The following GPN1 variants were observed in gnomAD, a reference collection of about 807,000 sequenced individuals.
GPN1 encodes the protein ATP(GTP)-binding protein.
A neutral mutation model predicts 55.9 loss-of-function variants in GPN1; 44 were observed. That is an observed-to-expected ratio of 0.79 (90% CI 0.62 to 1.01). The LOEUF is 1.01. GPN1 is among the 50% of genes least tolerant of loss of function. The pLI is 0.00. For missense variants in GPN1, 466 were observed against 462.8 expected, an observed-to-expected ratio of 1.01 and a Z score of -0.06; for synonymous variants, 179 against 162.5, an observed-to-expected ratio of 1.10 and a Z score of -0.77.
intron 5 of GPN1, among the ~76,000 whole-genome samples, chr2:27,632,917 C>T (rs1344904541): frequency 1.3e-5 from 2 of 152,168 alleles, no homozygotes; most frequent in Non-Finnish European, 2.9e-5. Flanking sequence ...GAGACTTTGT[C>T]CCAATTCAGT....
chr2:27,633,992 A>G (rs1391598989), intron 5 of GPN1, among the ~76,000 whole-genome samples: 4 of 151,900 alleles, frequency 2.6e-5, no homozygotes, highest in Non-Finnish European at 4.4e-5. Flanking sequence ...CCTAGTGACT[A>G]CCCCATTTTC....
In GPN1 at chr2:27,643,359, A is replaced by G. The variant is rs1014846939; in HGVS notation, c.931+840A>G. Among the ~76,000 whole-genome samples, 1 of 151,928 alleles carries G rather than the reference A, an allele frequency of 6.6e-6. No homozygotes were observed. Among genetic ancestry groups the G allele is most frequent in the African/African-American group, 2.4e-5 (1 of 41,380 alleles). ...ATATGACTTTATATGTTATATAAATATATATTTTTCCTGAATCATTTGAGT... is the reference window on the plus strand; with the variant it reads ...ATATGACTTTATATGTTATATAAATGTATATTTTTCCTGAATCATTTGAGT... On this transcript the variant is annotated intron_variant, in intron 12 of 13. Transcript: ENST00000610189. This position sits in a 1 kb window ranked among gnomAD's most constrained non-coding sequence, Gnocchi z 4.0.
At position 27,634,920 on chromosome 2, in the gene GPN1, C is replaced by A; in HGVS notation, c.425C>A (p.Ala142Asp). ...GCTTCTGGGACAATTATCACTGAAG[C>A]CCTTGTGAGTATTCTAGGACTTGCT... ...WSASGTIITE[A>D]LASSFPTVVI... The change falls in exon 6 of 14, where the codon GCC becomes GAC. Residue 142 changes from alanine to aspartate, a missense_variant. Transcript: ENST00000610189. 1 of 1,573,790 alleles carries A rather than the reference C, an allele frequency of 6.4e-7. No homozygotes were observed. Among genetic ancestry groups the A allele is most frequent in the Non-Finnish European group, 8.7e-7 (1 of 1,143,100 alleles).
At position 27,638,239 on chromosome 2, in the gene GPN1, T is replaced by C. The variant is rs1453201296; in HGVS notation, c.554T>C (p.Ile185Thr). 6.4e-6 allele frequency: 10 copies of C among 1,568,586 alleles called. No individual in the cohort carries two copies. The highest frequency in any genetic ancestry group is 1.7e-5 in the Admixed American group (1 of 59,908). The change falls in exon 8 of 14, where the codon ATT (isoleucine) becomes ACT (threonine). Residue 185 changes from isoleucine to threonine, a missense_variant. Physicochemically the swap from Ile to Thr is moderately conservative, Grantham distance 89 (BLOSUM62 -1). Coordinates refer to ENST00000610189, the MANE Select transcript of GPN1 (RefSeq NM_007266.4). ...SILYKTKLPF[I>T]VVMNKTDIID... ...TTATACAAAACCAAGCTGCCTTTCA[T>C]TGTGGTCATGAATAAAGTAAGTGTA...
intron 7 of GPN1, among the ~76,000 whole-genome samples, chr2:27,637,579 T>C (rs1673778089): frequency 6.6e-6 from 1 of 152,202 alleles, no homozygotes; most frequent in African/African-American, 2.4e-5. Context: ...CCCAGCCTTA[T>C]TGAGGTATAA....
intron 4 of GPN1, among the ~76,000 whole-genome samples, chr2:27,632,120 A>G (rs1673579489): frequency 6.6e-6 from 1 of 152,098 alleles, no homozygotes; most frequent in African/African-American, 2.4e-5. Flanking sequence ...AATCCAAAAG[A>G]CCTGGGTTAT....
At chr2:27,629,202 C>A (rs758559097) in intron 1 of GPN1, 33 bp downstream of exon 1, 3 of 1,604,160 alleles carry the variant, frequency 1.9e-6, no homozygotes, top group Non-Finnish European at 2.6e-6. Flanking sequence ...AGTAGGGGAG[C>A]GCAAAAGGTT....
chr2:27,642,273 A>C, intron 11 of GPN1, 156 bp from the exon 12 acceptor site: 1 of 589,138 alleles, frequency 1.7e-6, no homozygotes, highest in Non-Finnish European at 3.1e-6. Flanking sequence ...GGCCCACGCT[A>C]CTTAGTGTTT....
At chr2:27,628,284 G>A, upstream of GPN1, 1 of 1,041,240 alleles carries the variant, frequency 9.6e-7, no homozygotes, top group East Asian at 2.6e-5. Context: ...AAACAGACTG[G>A]GTGGTCAGGA....
At chr2:27,641,399 T>G in intron 11 of GPN1, 120 bp downstream of exon 11, 1 of 649,328 alleles carries the variant, frequency 1.5e-6, no homozygotes, top group Non-Finnish European at 2.6e-6. Flanking sequence ...TTAAAAAAGT[T>G]TTTTTTGTAG....
intron 2 of GPN1, among the ~76,000 whole-genome samples, chr2:27,630,717 T>C (rs1368915228): frequency 2.0e-5 from 3 of 152,220 alleles, no homozygotes; most frequent in Non-Finnish European, 4.4e-5. Flanking sequence ...CCTTTGTCAG[T>C]AATAGGCAAT....
At chr2:27,629,817 C>T (rs1454281115) in intron 1 of GPN1, 42 bp from the exon 2 acceptor site, 2 of 1,040,826 alleles carry the variant, frequency 1.9e-6, no homozygotes, top group South Asian at 1.3e-5. Context: ...CTCTCTTGTC[C>T]CCTCTTTGTC....
intron 12 of GPN1, among the ~76,000 whole-genome samples, chr2:27,644,840 C>T (rs2148082076): frequency 6.6e-6 from 1 of 150,988 alleles, no homozygotes; most frequent in East Asian, 2.0e-4. Context: ...GCCACTGCAC[C>T]TGGCTTGTAA....
At chr2:27,642,958 T>TATACACACACACACACACACAC (rs10643705) in intron 12 of GPN1, among the ~76,000 whole-genome samples, 2 of 122,608 alleles carry the variant, frequency 1.6e-5, no homozygotes, top group Non-Finnish European at 3.3e-5. Flanking sequence ...TATATATATA[T>TATACACACACACACACACACAC]ACACACACAC....
rs967467149 is a variant in GPN1 at position 27,643,921 on chromosome 2, G to T, written c.931+1402G>T. The stretch of plus-strand genomic sequence containing the variant: ...AGGCCGGGCGCAGTGGCTCACGCCT[G>T]TAATCCCAGCATTTTGGGAGGCCGA... On this transcript the variant is annotated intron_variant, in intron 12 of 13. Transcript: ENST00000610189. The surrounding 1 kb of genome is among the most constrained non-coding windows in gnomAD (Gnocchi z 4.0). 2.0e-5 allele frequency among the ~76,000 whole-genome samples: 3 copies of T among 152,234 alleles called. No homozygotes were observed. Among genetic ancestry groups the T allele is most frequent in the Non-Finnish European group, 4.4e-5 (3 of 68,038 alleles).
intron 2 of GPN1, 54 bp from the exon 3 acceptor site, chr2:27,630,973 T>C (rs1340068820): frequency 1.2e-6 from 1 of 843,572 alleles, no homozygotes; most frequent in Non-Finnish European, 2.0e-6. Flanking sequence ...ACTTTCCTGG[T>C]GGTAGGGAAT....
At chr2:27,632,576 C>A in intron 4 of GPN1, 57 bp from the exon 5 acceptor site, 4 of 1,181,956 alleles carry the variant, frequency 3.4e-6, no homozygotes, top group Non-Finnish European at 5.1e-6. Flanking sequence ...CTGGAGAGGG[C>A]TCTGTGATTT....
intron 9 of GPN1, 71 bp downstream of exon 9, chr2:27,639,102 A>G: frequency 1.6e-6 from 2 of 1,256,654 alleles, no homozygotes; most frequent in Middle Eastern, 2.0e-4. Context: ...TTGGCTTTGA[A>G]CCTGGCTGAG....
At position 27,650,187 on chromosome 2, in the gene GPN1, G is replaced by T. The variant is rs35943531; in HGVS notation, c.1112G>T (p.Arg371Ile). 480 of 1,590,614 alleles carry T rather than the reference G, an allele frequency of 3.0e-4. 1 individual carries two copies. Among genetic ancestry groups the T allele is most frequent in the Non-Finnish European group, 4.0e-4 (467 of 1,158,770 alleles). ...MQESMAQYWKRNNK is the reference protein window; with the variant it reads ...MQESMAQYWKINNK ...GAATCGATGGCACAATACTGGAAGAGAAACAATAAATAGGAGACTTTAGCA... is the reference window on the plus strand; with the variant it reads ...GAATCGATGGCACAATACTGGAAGATAAACAATAAATAGGAGACTTTAGCA... Residue 371 changes from arginine to isoleucine, a missense_variant, in exon 14 of 14, where the codon AGA becomes ATA. Transcript: ENST00000610189.
Sources: gnomAD v4.1 joint callset for allele counts (sites outside exome capture counted in the v4.1 genomes callset) on GRCh38, gnomAD v4.1.1 for gene constraint, Gnocchi (gnomAD v3.1) non-coding constraint, MANE v1.5 for transcripts, NCBI Gene and HGNC (gene_info 2026-07-23, HGNC 2026-07-21) for gene names.